WNT2: variants seen among roughly 807,000 people sequenced by gnomAD.
WNT2 encodes the protein Wnt family member 2, also known as protein Wnt-2.
WNT2 carries 12 observed loss-of-function variants against 36.9 expected under a neutral mutation model. The observed-to-expected ratio is 0.33, with a 90% CI of 0.21 to 0.53. WNT2 has a LOEUF of 0.53. Among genes scored for constraint, WNT2 ranks in the 20% least tolerant of loss-of-function variants. WNT2 has a pLI of 0.95. For missense variants in WNT2, 379 were observed against 473.1 expected, an observed-to-expected ratio of 0.80 and a Z score of 1.84; for synonymous variants, 163 against 174.6, an observed-to-expected ratio of 0.93 and a Z score of 0.52.
intron 3 of WNT2, among the ~76,000 whole-genome samples, chr7:117,309,591 C>G (rs1795083500): frequency 6.6e-6 from 1 of 152,190 alleles, no homozygotes; most frequent in Admixed American, 6.5e-5. Context: ...ATGGTACCTA[C>G]CCCTGAGGCT....
chr7:117,314,975 C>T, intron 3 of WNT2, 96 bp downstream of exon 3: 1 of 1,519,876 alleles, frequency 6.6e-7, no homozygotes, highest in Non-Finnish European at 8.9e-7. Context: ...GACTACACAG[C>T]ATTTTATCAA....
intron 3 of WNT2, among the ~76,000 whole-genome samples, chr7:117,313,430 C>T (rs1355137085): frequency 2.6e-5 from 4 of 152,158 alleles, no homozygotes; most frequent in African/African-American, 9.7e-5. Flanking sequence ...AGCTGTTCAC[C>T]TCTACACGGT....
At chr7:117,301,802 CTTTTTTTT>C in intron 3 of WNT2, among the ~76,000 whole-genome samples, 1 of 112,510 alleles carries the variant, frequency 8.9e-6, no homozygotes, top group South Asian at 2.9e-4. Flanking sequence ...TCCCTCCATT[CTTTTTTTT>C]TTTTTTTTTT....
intron 4 of WNT2, among the ~76,000 whole-genome samples, chr7:117,287,280 G>A (rs1461009582): frequency 1.3e-5 from 2 of 152,194 alleles, no homozygotes; most frequent in African/African-American, 4.8e-5. Context: ...AGGAGGTGGA[G>A]GTTGCAGTGA....
At position 117,278,056 on chromosome 7, in the gene WNT2, T is replaced by G; in HGVS notation, c.*99A>C. 7.2e-7 allele frequency: 1 copy of G among 1,393,692 alleles called. No homozygotes were observed. The highest frequency in any genetic ancestry group is 1.3e-5 in the South Asian group (1 of 76,560). The allele number at this position is 1,393,692 out of a possible 1,614,324, so 86.3% of individuals were successfully genotyped here. On this transcript the variant is annotated 3_prime_UTR_variant, in exon 5 of 5. Coordinates refer to ENST00000265441, the MANE Select transcript of WNT2 (RefSeq NM_003391.3). ...CCGTTGAGATAAAGGCCACATGCCT[T>G]AGGAAATATCCCCCCAGAAAGAACC... is the stretch of plus-strand genomic sequence containing the variant.
chr7:117,289,925 C>A (rs540240529), intron 4 of WNT2, among the ~76,000 whole-genome samples: 1 of 152,090 alleles, frequency 6.6e-6, no homozygotes, highest in South Asian at 2.1e-4. Flanking sequence ...ATGGAGGTGA[C>A]AAGGAAGGAG....
chr7:117,290,049 A>G (rs1299309201), intron 4 of WNT2, among the ~76,000 whole-genome samples: 4 of 152,152 alleles, frequency 2.6e-5, no homozygotes, highest in Non-Finnish European at 5.9e-5. Flanking sequence ...CAGGGCAAAT[A>G]AGGAGTCCAG....
chr7:117,303,959 C>T lies in WNT2; in HGVS notation c.589-6083G>A, dbSNP rs185672945. ...CAGTCTTCCGTCCTCTTGTGCCAAC[C>T]AGGACTGGCTCCACAGCTCAGACCT... On this transcript the variant is annotated intron_variant, in intron 3 of 4. Coordinates refer to ENST00000265441, the MANE Select transcript of WNT2 (RefSeq NM_003391.3). 1.1e-4 allele frequency among the ~76,000 whole-genome samples: 17 copies of T among 152,350 alleles called. No individual in the cohort carries two copies. The East Asian group carries it at 3.1e-3, about 28-fold the overall frequency.
At chr7:117,320,871 G>C (rs1795312176) in intron 1 of WNT2, 78 bp from the exon 2 acceptor site, 1 of 1,246,096 alleles carries the variant, frequency 8.0e-7, no homozygotes, top group South Asian at 1.3e-5. Context: ...GGAGACTAAG[G>C]AGTTCAAAGC....
intron 2 of WNT2, among the ~76,000 whole-genome samples, chr7:117,317,199 G>A (rs1321728951): frequency 2.0e-5 from 3 of 152,070 alleles, no homozygotes; most frequent in Non-Finnish European, 2.9e-5. Flanking sequence ...CATGGAAGAC[G>A]GGGATGATAC....
intron 3 of WNT2, among the ~76,000 whole-genome samples, chr7:117,308,370 T>G (rs913534164): frequency 6.6e-6 from 1 of 152,170 alleles, no homozygotes; most frequent in Non-Finnish European, 1.5e-5. Context: ...TAACCATATA[T>G]ATAATAATTC....
In WNT2 at chr7:117,280,098, G is replaced by T. The variant is rs1008066721; in HGVS notation, c.854-1714C>A. Among the ~76,000 whole-genome samples the T allele has an allele frequency of 3.9e-5, 6 of 152,044 alleles. 1 individual carries two copies. The South Asian group carries it at 1.2e-3, about 32-fold the overall frequency. ...CAGCGTTTGGTCAGAATGATTGGCG[G>T]CGGAGAGCAGGAAGACTGGCCGGGG... On this transcript the variant is annotated intron_variant, in intron 4 of 4. Coordinates refer to ENST00000265441, the MANE Select transcript of WNT2 (RefSeq NM_003391.3).
At chr7:117,301,172 G>A (rs1213933434) in intron 3 of WNT2, 1 of 152,200 alleles carries the variant, frequency 6.6e-6, no homozygotes, top group African/African-American at 2.4e-5. Flanking sequence ...AGGAAATTGA[G>A]ACAGCATCTC....
intron 4 of WNT2, among the ~76,000 whole-genome samples, chr7:117,291,164 G>C (rs1794682388): frequency 6.6e-6 from 1 of 152,142 alleles, no homozygotes. Flanking sequence ...GATTTATGTG[G>C]GGGAAAAATG....
Position 117,315,301 on chromosome 7 carries a change from C to A in WNT2, c.358G>T (p.Val120Leu). ...FVYAISSAGV[V>L]FAITRACSQG... ...CTACAGGCCCTGGTGATGGCAAATA[C>A]AACTCCAGCTGAGGAGATGGCATAA... The change falls in exon 3 of 5, where the codon GTA becomes TTA. Residue 120 changes from valine (V) to leucine (L), a missense_variant. Coordinates refer to ENST00000265441, the MANE Select transcript of WNT2 (RefSeq NM_003391.3). 6.2e-7 allele frequency: 1 copy of A among 1,614,174 alleles called. No individual in the cohort carries two copies. The highest frequency in any genetic ancestry group is 8.5e-7 in the Non-Finnish European group (1 of 1,180,010).
At chr7:117,300,603 C>G (rs1412458237) in intron 3 of WNT2, among the ~76,000 whole-genome samples, 1 of 152,258 alleles carries the variant, frequency 6.6e-6, no homozygotes, top group East Asian at 1.9e-4. Flanking sequence ...AGTTCAAGAA[C>G]AGCCTGGGCA....
intron 4 of WNT2, among the ~76,000 whole-genome samples, chr7:117,290,169 A>G (rs1042681558): frequency 6.6e-6 from 1 of 152,258 alleles, no homozygotes; most frequent in African/African-American, 2.4e-5. Flanking sequence ...CAGGGACAGC[A>G]TTTAAAACCA....
Position 117,277,469 on chromosome 7 carries a change from C to T in WNT2, c.*686G>A, listed in dbSNP as rs1794400269. The T allele has an allele frequency of 6.6e-6, 1 of 152,216 alleles. No homozygotes were observed. Among genetic ancestry groups the T allele is most frequent in the Admixed American group, 6.5e-5 (1 of 15,276 alleles). 9.4% of individuals were successfully genotyped at this position (152,216 alleles called of 1,614,324 possible). On this transcript the variant is annotated 3_prime_UTR_variant, in exon 5 of 5. Transcript: ENST00000265441. ...TCCCTTTCTGAGGCTTTTGCTCTTA[C>T]AAAGATACAACACACCATAGTACCA...
At chr7:117,304,030 T>C (rs970921651) in intron 3 of WNT2, among the ~76,000 whole-genome samples, 2 of 152,216 alleles carry the variant, frequency 1.3e-5, no homozygotes, top group African/African-American at 4.8e-5. Flanking sequence ...CTAGATGCCA[T>C]GTTTTCTCTT....
Sources: allele counts gnomAD v4.1 joint callset (sites outside exome capture counted in the v4.1 genomes callset), GRCh38; gene constraint gnomAD v4.1.1; transcripts MANE v1.5; gene names NCBI Gene and HGNC (gene_info 2026-07-23, HGNC 2026-07-21).